The following ZSWIM6 variants were observed in gnomAD, a reference collection of about 807,000 sequenced individuals.
ZSWIM6 encodes zinc finger SWIM-type containing 6.
In ZSWIM6, 9 loss-of-function variants were observed where a neutral mutation model predicts 113.2. The observed-to-expected ratio is 0.08, with a 90% CI of 0.05 to 0.14. ZSWIM6 has a LOEUF of 0.14. Ranked by LOEUF, ZSWIM6 falls within the 10% of genes least tolerant of loss-of-function variation. ZSWIM6 has a pLI of 1.00. For missense variants in ZSWIM6, 1,162 were observed against 1,552.2 expected (o/e 0.75, Z 4.22); for synonymous variants, 611 against 606.5 (o/e 1.01, Z -0.11).
intron 2 of ZSWIM6, among the ~76,000 whole-genome samples, chr5:61,474,159 C>T (rs1372618608): frequency 2.0e-5 from 3 of 151,948 alleles, no homozygotes; most frequent in Non-Finnish European, 4.4e-5. Flanking sequence ...ACTTCTTTGG[C>T]GGTTTGTGTT....
intron 1 of ZSWIM6, chr5:61,390,676 C>T: frequency 1.2e-6 from 1 of 844,160 alleles, no homozygotes; most frequent in Non-Finnish European, 2.0e-6. Context: ...CATTAAGCTC[C>T]TTCTTCCTTT....
chr5:61,405,030 A>G (rs1746017684), intron 1 of ZSWIM6, among the ~76,000 whole-genome samples: 5 of 152,248 alleles, frequency 3.3e-5, no homozygotes. Context: ...CAATATGACA[A>G]ATAAGGCCAT....
chr5:61,482,466 TG>T (rs1388161851), intron 2 of ZSWIM6, among the ~76,000 whole-genome samples: 2 of 152,202 alleles, frequency 1.3e-5, no homozygotes, highest in African/African-American at 4.8e-5. Flanking sequence ...GTTCTGCACA[TG>T]TATTCCAGAA....
At chr5:61,390,679 C>T in intron 1 of ZSWIM6, 1 of 850,328 alleles carries the variant, frequency 1.2e-6, no homozygotes, top group Non-Finnish European at 2.0e-6. Context: ...TAAGCTCCTT[C>T]TTCCTTTGCA....
At chr5:61,378,393 A>G (rs1447326321) in intron 1 of ZSWIM6, among the ~76,000 whole-genome samples, 3 of 152,210 alleles carry the variant, frequency 2.0e-5, no homozygotes, top group African/African-American at 7.2e-5. Flanking sequence ...GTAGAACAGT[A>G]TATGTGTTTT....
intron 1 of ZSWIM6, among the ~76,000 whole-genome samples, chr5:61,385,821 T>C (rs555219297): frequency 6.6e-6 from 1 of 152,322 alleles, no homozygotes; most frequent in African/African-American, 2.4e-5. Flanking sequence ...ACTGGCTCTC[T>C]TGTCTTTCGA....
intron 1 of ZSWIM6, among the ~76,000 whole-genome samples, chr5:61,462,219 A>G (rs1316375576): frequency 6.6e-6 from 1 of 152,154 alleles, no homozygotes; most frequent in East Asian, 1.9e-4. Context: ...CTTGCATCCA[A>G]CTTTGAATTA....
At chr5:61,473,118 A>T in intron 2 of ZSWIM6, 81 bp downstream of exon 2, 1 of 931,106 alleles carries the variant, frequency 1.1e-6, no homozygotes, top group East Asian at 2.7e-5. Flanking sequence ...CATAAAAGTG[A>T]ATTAAATGTG....
chr5:61,476,822 C>G (rs1747717270), intron 2 of ZSWIM6, among the ~76,000 whole-genome samples: 1 of 152,186 alleles, frequency 6.6e-6, no homozygotes, highest in Non-Finnish European at 1.5e-5. Context: ...AGACAGAACA[C>G]TGAACTTGGA....
At chr5:61,429,274 T>C (rs1186239552) in intron 1 of ZSWIM6, among the ~76,000 whole-genome samples, 1 of 152,234 alleles carries the variant, frequency 6.6e-6, no homozygotes, top group Non-Finnish European at 1.5e-5. Flanking sequence ...ACGTTTATCT[T>C]GCTTTTGTAT....
intron 4 of ZSWIM6, 58 bp from the exon 5 acceptor site, chr5:61,521,205 A>G: frequency 3.7e-6 from 4 of 1,074,238 alleles, no homozygotes; most frequent in East Asian, 3.3e-5. Context: ...TTAACTTGAT[A>G]AAATTGGATG....
intron 4 of ZSWIM6, among the ~76,000 whole-genome samples, chr5:61,508,288 T>C (rs1748681526): frequency 6.6e-6 from 1 of 152,190 alleles, no homozygotes; most frequent in South Asian, 2.1e-4. Flanking sequence ...AAATTTTAAA[T>C]GTAGAATCTA....
chr5:61,379,496 T>C (rs2112078591), intron 1 of ZSWIM6, among the ~76,000 whole-genome samples: 1 of 152,312 alleles, frequency 6.6e-6, no homozygotes, highest in Admixed American at 6.5e-5. Flanking sequence ...ATAGTTTCAT[T>C]TTTCCAAAGG....
chr5:61,415,641 G>T (rs1746232836), intron 1 of ZSWIM6, among the ~76,000 whole-genome samples: 1 of 151,804 alleles, frequency 6.6e-6, no homozygotes, highest in Admixed American at 6.6e-5. Flanking sequence ...ATGTTTGTGT[G>T]TTGGGATGGA....
chr5:61,375,534 ATCT>A (rs897981359), intron 1 of ZSWIM6: 2 of 1,550,916 alleles, frequency 1.3e-6, no homozygotes, highest in African/African-American at 2.7e-5. Context: ...GTTCACATAA[ATCT>A]TCTGAAAGCT....
At chr5:61,447,413 T>G (rs1166157226) in intron 1 of ZSWIM6, among the ~76,000 whole-genome samples, 1 of 152,180 alleles carries the variant, frequency 6.6e-6, no homozygotes, top group African/African-American at 2.4e-5. Flanking sequence ...GTTGCTTTCC[T>G]CTCTCAGTCA....
intron 1 of ZSWIM6, among the ~76,000 whole-genome samples, chr5:61,430,117 A>C (rs1367786905): frequency 6.6e-6 from 1 of 152,110 alleles, no homozygotes; most frequent in Admixed American, 6.5e-5. Flanking sequence ...ATCAGTAATT[A>C]ATCCTGAGAG....
At chr5:61,362,290 C>T (rs534011776) in intron 1 of ZSWIM6, among the ~76,000 whole-genome samples, 2 of 152,076 alleles carry the variant, frequency 1.3e-5, no homozygotes, top group African/African-American at 4.8e-5. Context: ...CCTCTGCCTC[C>T]CGGATTCAAG....
chr5:61,423,740 C>T (rs1451310549), intron 1 of ZSWIM6, among the ~76,000 whole-genome samples: 2 of 152,130 alleles, frequency 1.3e-5, no homozygotes, highest in African/African-American at 2.4e-5. Context: ...GCCAGTGAGC[C>T]TTCTGCCCAG....
Sources: allele counts gnomAD v4.1 joint callset (sites outside exome capture counted in the v4.1 genomes callset), GRCh38; gene constraint gnomAD v4.1.1; transcripts MANE v1.5; gene names NCBI Gene and HGNC (gene_info 2026-07-23, HGNC 2026-07-21).